The following SPDYE10 variants were observed in gnomAD, a reference collection of about 807,000 sequenced individuals.
The protein encoded by SPDYE10 is speedy/RINGO cell cycle regulator family member E10.
At chr7:73,116,724 C>CCA in the SPDYE10 span, among the ~76,000 whole-genome samples, 2 of 150,602 alleles carry the variant, frequency 1.3e-5, no homozygotes, top group African/African-American at 5.0e-5. Flanking sequence ...GCTGGGACCA[C>CCA]AGGCATGTAC....
At chr7:73,145,144 T>TTTTC in the SPDYE10 span, among the ~76,000 whole-genome samples, 18 of 133,006 alleles carry the variant, frequency 1.4e-4, no homozygotes, top group South Asian at 2.6e-4. Context: ...TTCTTTCTCT[T>TTTTC]TTTCTTTCTT....
the SPDYE10 span, among the ~76,000 whole-genome samples, chr7:73,123,825 C>T: frequency 1.3e-5 from 2 of 151,190 alleles, no homozygotes; most frequent in South Asian, 4.2e-4. Context: ...CTCTCTCTCT[C>T]TCTGGCTGGA....
At chr7:73,137,253 C>T in the SPDYE10 span, among the ~76,000 whole-genome samples, 3 of 149,390 alleles carry the variant, frequency 2.0e-5, no homozygotes, top group African/African-American at 5.0e-5. Context: ...TGGTGTCTCA[C>T]GCCTGTAATC....
At chr7:73,137,519 A>C in the SPDYE10 span, among the ~76,000 whole-genome samples, 8 of 151,450 alleles carry the variant, frequency 5.3e-5, no homozygotes, top group East Asian at 1.5e-3. Flanking sequence ...GAGACTCCAA[A>C]AAAAAAAGGA....
the SPDYE10 span, among the ~76,000 whole-genome samples, chr7:73,127,726 T>A: frequency 8.8e-6 from 1 of 113,794 alleles, no homozygotes. Flanking sequence ...GAATAGATGT[T>A]CAACCACAAT....
chr7:73,123,454 A>G, the SPDYE10 span, among the ~76,000 whole-genome samples: 1 of 152,268 alleles, frequency 6.6e-6, no homozygotes, highest in Admixed American at 6.5e-5. Flanking sequence ...GATAGCACTC[A>G]TTTCTTTTTT....
chr7:73,124,114 T>C, the SPDYE10 span, among the ~76,000 whole-genome samples: 1 of 147,512 alleles, frequency 6.8e-6, no homozygotes, highest in Admixed American at 6.8e-5. Context: ...TTCCTGTCCA[T>C]ATCTGGCCTC....
chr7:73,127,491 C>A, the SPDYE10 span, among the ~76,000 whole-genome samples: 1 of 88,852 alleles, frequency 1.1e-5, no homozygotes, highest in Non-Finnish European at 2.3e-5. Flanking sequence ...CCTTGGAGGC[C>A]AAGGTTGCAG....
At chr7:73,137,919 AAGGGG>A in the SPDYE10 span, among the ~76,000 whole-genome samples, 1 of 123,534 alleles carries the variant, frequency 8.1e-6, no homozygotes, top group Non-Finnish European at 1.7e-5. Context: ...AGGGAAGGGG[AAGGGG>A]AGGGGAAGGG....
At chr7:73,126,652 A>G in the SPDYE10 span, among the ~76,000 whole-genome samples, 105 of 147,454 alleles carry the variant, frequency 7.1e-4, 1 homozygote, top group Non-Finnish European at 1.3e-3. Context: ...ACCACTTAAC[A>G]TCAAGGATAA....
the SPDYE10 span, among the ~76,000 whole-genome samples, chr7:73,149,555 G>A: frequency 2.6e-5 from 4 of 152,024 alleles, no homozygotes; most frequent in Admixed American, 1.3e-4. Context: ...CCAAAGTGCT[G>A]GGATTACAGG....
chr7:73,139,658 G>GTT, the SPDYE10 span, among the ~76,000 whole-genome samples: 1 of 147,162 alleles, frequency 6.8e-6, no homozygotes, highest in Non-Finnish European at 1.5e-5. Context: ...TGTTTTTTGT[G>GTT]TTTTTTTTTT....
the SPDYE10 span, among the ~76,000 whole-genome samples, chr7:73,142,988 A>G: frequency 1.7e-4 from 18 of 103,690 alleles, no homozygotes; most frequent in East Asian, 9.8e-4. Flanking sequence ...GGGAGGAAGG[A>G]AGGAAGGAAG....
the SPDYE10 span, among the ~76,000 whole-genome samples, chr7:73,137,198 C>T: frequency 1.3e-5 from 2 of 149,360 alleles, no homozygotes; most frequent in African/African-American, 5.0e-5. Context: ...CTGACCAACA[C>T]GGTAAAACTC....
chr7:73,127,091 T>TC, the SPDYE10 span, among the ~76,000 whole-genome samples: 1 of 53,612 alleles, frequency 1.9e-5, no homozygotes, highest in African/African-American at 1.4e-4. Flanking sequence ...GCTTTTTTTT[T>TC]TTTTTTTTTT....
chr7:73,114,989 C>T, the SPDYE10 span, among the ~76,000 whole-genome samples: 10 of 152,264 alleles, frequency 6.6e-5, no homozygotes, highest in South Asian at 2.1e-4. Flanking sequence ...CTCCGCCTCC[C>T]GGGTTCAAGC....
chr7:73,131,891 AT>A, the SPDYE10 span, among the ~76,000 whole-genome samples: 1 of 146,766 alleles, frequency 6.8e-6, no homozygotes, highest in Non-Finnish European at 1.5e-5. Context: ...GCCTTTTCAT[AT>A]TCTTGGAGGG....
At chr7:73,121,381 T>TC in the SPDYE10 span, among the ~76,000 whole-genome samples, 1 of 48,680 alleles carries the variant, frequency 2.1e-5, no homozygotes, top group Non-Finnish European at 3.8e-5. Flanking sequence ...GCTCAAGTAA[T>TC]CCCCCCAAGG....
chr7:73,134,976 G>A, the SPDYE10 span, among the ~76,000 whole-genome samples: 47 of 152,398 alleles, frequency 3.1e-4, no homozygotes, highest in East Asian at 4.6e-3. Flanking sequence ...CAGGTGCAGA[G>A]AGAGATAGGA....
Sources: allele counts gnomAD v4.1 joint callset (sites outside exome capture counted in the v4.1 genomes callset), GRCh38; gene constraint gnomAD v4.1.1; transcripts MANE v1.5; gene names NCBI Gene and HGNC (gene_info 2026-07-23, HGNC 2026-07-21).